The following PACS2 variants were observed in gnomAD, a reference collection of about 807,000 sequenced individuals.
The protein encoded by PACS2 is phosphofurin acidic cluster sorting protein 2, also known as PACS1-like protein.
In PACS2, 36 loss-of-function variants were observed where a neutral mutation model predicts 113.0. The observed-to-expected ratio is 0.32, with a 90% CI of 0.24 to 0.42. The LOEUF (loss-of-function observed/expected upper bound fraction) is 0.42. Ranked by LOEUF, PACS2 falls within the 10% of genes least tolerant of loss-of-function variation. The pLI is 1.00. For missense variants in PACS2, 1,015 were observed against 1,239.5 expected, an observed-to-expected ratio of 0.82 and a Z score of 2.72; for synonymous variants, 589 against 536.1, an observed-to-expected ratio of 1.10 and a Z score of -1.36.
chr14:105,306,659 G>A (rs1021542651), intron 1 of PACS2, among the ~76,000 whole-genome samples: 2 of 151,790 alleles, frequency 1.3e-5, no homozygotes, highest in African/African-American at 2.4e-5. Flanking sequence ...AGGCTGTAGT[G>A]CAATGGCACG....
At chr14:105,304,088 A>G (rs2058107728) in intron 1 of PACS2, among the ~76,000 whole-genome samples, 1 of 152,244 alleles carries the variant, frequency 6.6e-6, no homozygotes, top group Non-Finnish European at 1.5e-5. Context: ...CCCAGGCCAC[A>G]GCGGTGCAGG....
chr14:105,337,014 A>G (rs2059551794), intron 1 of PACS2, among the ~76,000 whole-genome samples: 1 of 152,192 alleles, frequency 6.6e-6, no homozygotes, highest in Non-Finnish European at 1.5e-5. Context: ...AGTCAGCACC[A>G]TGTGGCCCTC....
intron 19 of PACS2, 130 bp from the exon 20 acceptor site, chr14:105,389,831 G>A: frequency 2.4e-6 from 2 of 827,498 alleles, no homozygotes; most frequent in East Asian, 2.4e-5. Context: ...GGGCAGGGCT[G>A]TCCGGCAGGG....
rs1162190552 is a variant in PACS2 at position 105,359,587 on chromosome 14, C to CTT, written c.423+4431_423+4432dup. Among the ~76,000 whole-genome samples, 360 of 101,738 alleles carry CTT rather than the reference C, an allele frequency of 3.5e-3. 1 individual carries two copies. The highest frequency in any genetic ancestry group is 6.2e-3 in the African/African-American group (152 of 24,526). The allele number at this position is 101,738 out of a possible 152,430, so 66.7% of individuals were successfully genotyped here. ...CCTCCCAAAGTGTTGGTATTTCTTT[C>CTT]TTTTTTTTTTTTTTTTTTTTTTGAG... On this transcript the variant is annotated intron_variant, in intron 4 of 24. Coordinates refer to ENST00000447393, the MANE Select transcript of PACS2 (RefSeq NM_001100913.3).
At chr14:105,334,386 T>C (rs1432157098) in intron 1 of PACS2, among the ~76,000 whole-genome samples, 1 of 152,208 alleles carries the variant, frequency 6.6e-6, no homozygotes, top group East Asian at 1.9e-4. Context: ...GGCTCTGTCC[T>C]GAGCAGCAGA....
intron 4 of PACS2, among the ~76,000 whole-genome samples, chr14:105,364,083 TATA>T (rs2060832578): frequency 6.6e-6 from 1 of 152,128 alleles, no homozygotes; most frequent in Non-Finnish European, 1.5e-5. Context: ...ACCATACAGA[TATA>T]ATAATAGTGA....
Position 105,395,700 on chromosome 14 carries a change from G to A in PACS2, c.*1028G>A, listed in dbSNP as rs369134043. ...CGGGGCCGGCACTTTGGAGCCGTGG[G>A]TGCAGCCAGGTACCCCGTGCAGGGC... On this transcript the variant is annotated 3_prime_UTR_variant, in exon 25 of 25. Coordinates refer to ENST00000447393, the MANE Select transcript of PACS2 (RefSeq NM_001100913.3). 2.6e-5 allele frequency: 4 copies of A among 152,482 alleles called. No individual in the cohort carries two copies. The East Asian group carries it at 7.7e-4, about 29-fold the overall frequency. The allele number at this position is 152,482 out of a possible 1,614,324, so 9.4% of individuals were successfully genotyped here. A position where few individuals can be genotyped will look rare whatever the true frequency, so the allele number is the denominator to read the frequency against.
chr14:105,392,384 C>T (rs1566972749), intron 22 of PACS2: 2 of 561,834 alleles, frequency 3.6e-6, no homozygotes, highest in Non-Finnish European at 6.4e-6. Flanking sequence ...GTGGACAGGC[C>T]TCCCAGGCCG....
At chr14:105,350,650 C>T (rs2060135254) in intron 2 of PACS2, among the ~76,000 whole-genome samples, 1 of 152,244 alleles carries the variant, frequency 6.6e-6, no homozygotes, top group Admixed American at 6.5e-5. Flanking sequence ...CCAGCCTGGC[C>T]CCGCAGCCCC....
At chr14:105,384,781 C>T (rs902881695) in intron 17 of PACS2, 98 bp from the exon 18 acceptor site, 73 of 788,134 alleles carry the variant, frequency 9.3e-5, no homozygotes, top group African/African-American at 1.2e-4. Context: ...CTTCGGGGTA[C>T]GGGAGGCCTG....
At position 105,358,776 on chromosome 14, in the gene PACS2, G is replaced by A. The variant is rs782350744; in HGVS notation, c.423+3599G>A. 2.0e-5 allele frequency among the ~76,000 whole-genome samples: 3 copies of A among 152,312 alleles called. No individual in the cohort carries two copies. The highest frequency in any genetic ancestry group is 6.5e-5 in the Admixed American group (1 of 15,310). On this transcript the variant is annotated intron_variant, in intron 4 of 24. Transcript: ENST00000447393. The surrounding 1 kb of genome is among the most constrained non-coding windows in gnomAD (Gnocchi z 4.9). ...CAGCCCAAGGGGACCTGTGAGGGGC[G>A]GGCGGCTCATGGTGGGACACAGGAA...
At position 105,342,149 on chromosome 14, in the gene PACS2, G is replaced by A. The variant is rs113529444; in HGVS notation, c.120-6344G>A. 2.8e-3 allele frequency among the ~76,000 whole-genome samples: 421 copies of A among 152,212 alleles called. 5 individuals are homozygous for A. The highest frequency in any genetic ancestry group is 9.7e-3 in the African/African-American group (402 of 41,514). On this transcript the variant is annotated intron_variant, in intron 1 of 24. Coordinates refer to ENST00000447393, the MANE Select transcript of PACS2 (RefSeq NM_001100913.3). ...CCTCTTGTGGGTTTGCAGTACCTGC[G>A]CACTCCCCAAATGCCTCTTGTGGAT...
At chr14:105,363,578 C>T (rs1293424407) in intron 4 of PACS2, among the ~76,000 whole-genome samples, 1 of 152,184 alleles carries the variant, frequency 6.6e-6, no homozygotes, top group African/African-American at 2.4e-5. Context: ...CCGGATGAGG[C>T]TTTGGCTTAA....
chr14:105,355,080 A>G lies in PACS2; in HGVS notation c.326A>G (p.Asn109Ser), dbSNP rs781916206. The G allele has an allele frequency of 2.5e-6, 4 of 1,613,582 alleles. No homozygotes were observed. Among genetic ancestry groups the G allele is most frequent in the South Asian group, 1.1e-5 (1 of 91,068 alleles). ...CCTCACTTCTTGAAGAGGGAAGGCA[A>G]CAAGCTTCAGATCATGCTGCAGCGC... ...QYPHFLKREGNKLQIMLQRRK... is the reference protein window; with the variant it reads ...QYPHFLKREGSKLQIMLQRRK... Residue 109 changes from asparagine to serine, a missense_variant, in exon 4 of 25, where the codon AAC becomes AGC. Physicochemically the swap from Asn to Ser is conservative, Grantham distance 46. Transcript: ENST00000447393. The surrounding 1 kb of genome is among the most constrained non-coding windows in gnomAD (Gnocchi z 4.1).
At chr14:105,326,639 C>A (rs1320691357) in intron 1 of PACS2, among the ~76,000 whole-genome samples, 1 of 152,222 alleles carries the variant, frequency 6.6e-6, no homozygotes, top group Non-Finnish European at 1.5e-5. Context: ...GGTCATGAGG[C>A]CCCTCGGTCT....
chr14:105,369,503 C>T (rs1488200596), intron 7 of PACS2, among the ~76,000 whole-genome samples: 1 of 152,230 alleles, frequency 6.6e-6, no homozygotes, highest in African/African-American at 2.4e-5. Context: ...ACGTGGGTGC[C>T]CAGCACCTTC....
intron 1 of PACS2, among the ~76,000 whole-genome samples, chr14:105,328,581 G>A (rs1028721903): frequency 6.6e-6 from 1 of 152,224 alleles, no homozygotes; most frequent in Non-Finnish European, 1.5e-5. Flanking sequence ...TATTCCACAA[G>A]TGCCACGCAC....
chr14:105,348,888 T>G lies in PACS2; in HGVS notation c.207+308T>G, dbSNP rs587770674. 3.1e-4 allele frequency: 109 copies of G among 352,862 alleles called. No homozygotes were observed. Among genetic ancestry groups the G allele is most frequent in the African/African-American group, 2.4e-3 (109 of 46,126 alleles). 21.9% of individuals were successfully genotyped at this position (352,862 alleles called of 1,614,324 possible). A position where few individuals can be genotyped will look rare whatever the true frequency, so the allele number is the denominator to read the frequency against. On this transcript the variant is annotated intron_variant, in intron 2 of 24. Transcript: ENST00000447393. The surrounding 1 kb of genome is among the most constrained non-coding windows in gnomAD (Gnocchi z 6.4). ...GCCCCAAGCACCTGGAGCCAGGGCT[T>G]CCCTGCTGCACTCAGCACCCACTTC...
chr14:105,345,041 G>T (rs2059868373), intron 1 of PACS2, among the ~76,000 whole-genome samples: 1 of 151,164 alleles, frequency 6.6e-6, no homozygotes, highest in Non-Finnish European at 1.5e-5. Flanking sequence ...CCCAGGAGGT[G>T]GAGGTTGCAG....
Sources: allele counts gnomAD v4.1 joint callset (sites outside exome capture counted in the v4.1 genomes callset), GRCh38; gene constraint gnomAD v4.1.1; non-coding constraint Gnocchi (gnomAD v3.1); transcripts MANE v1.5; gene names NCBI Gene and HGNC (gene_info 2026-07-23, HGNC 2026-07-21).